Variants in SMARCD3 observed in about 807,000 individuals in gnomAD.
The protein encoded by SMARCD3 is SWI/SNF related BAF chromatin remodeling complex subunit D3.
Under a neutral mutation model 58.0 loss-of-function variants are expected in SMARCD3, and 14 were observed. The observed-to-expected ratio is 0.24, with a 90% CI of 0.16 to 0.38. The LOEUF (loss-of-function observed/expected upper bound fraction) is 0.38. Ranked by LOEUF, SMARCD3 falls within the 10% of genes least tolerant of loss-of-function variation. SMARCD3 has a pLI of 1.00. For synonymous variants in SMARCD3, 253 were observed against 253.8 expected, an observed-to-expected ratio of 1.00 and a Z score of 0.03; for missense variants, 408 against 636.9, an observed-to-expected ratio of 0.64 and a Z score of 3.87.
In SMARCD3 at chr7:151,240,141, G is replaced by A. The variant is rs768288742; in HGVS notation, c.1144C>T (p.Gln382Ter). 1 of 1,614,158 alleles carries A rather than the reference G, an allele frequency of 6.2e-7. No homozygotes were observed. ...CTGTCCAGAGCACTGATCTCCTGCT[G>A]GTTGGCCGTGGATAGGAGGAAGCTG... ...MSSFLLSTAN[Q>*]QEISALDSKI... is the part of the protein sequence containing the mutation. The change falls in exon 10 of 13, where the codon CAG (glutamine) becomes TAG (stop). Residue 382 changes from glutamine to a stop codon, truncating the protein, a stop_gained. Transcript: ENST00000262188. LOFTEE classifies it high-confidence loss of function.
At chr7:151,267,043 G>T (rs1053687679) in intron 2 of SMARCD3, among the ~76,000 whole-genome samples, 1 of 152,158 alleles carries the variant, frequency 6.6e-6, no homozygotes, top group Non-Finnish European at 1.5e-5. Context: ...ATTGGCGAAC[G>T]ATACAAACCG....
At chr7:151,249,279 C>CTG (rs1803428705), upstream of SMARCD3, 1 of 152,156 alleles carries the variant, frequency 6.6e-6, no homozygotes, top group South Asian at 2.1e-4. This position sits in a 1 kb window ranked among gnomAD's most constrained non-coding sequence, Gnocchi z 4.8. Context: ...GCGTCCACTG[C>CTG]TGTGTGTGCC....
chr7:151,271,214 C>A (rs1795165676), intron 2 of SMARCD3, among the ~76,000 whole-genome samples: 1 of 152,162 alleles, frequency 6.6e-6, no homozygotes, highest in Non-Finnish European at 1.5e-5. Context: ...CAATCCCTTT[C>A]CCAGGCGGGT....
chr7:151,277,002 G>A (rs1795367527), upstream of SMARCD3: 1 of 150,018 alleles, frequency 6.7e-6, no homozygotes, highest in Non-Finnish European at 1.5e-5. Context: ...CAGGGAAGGC[G>A]GGGGCGCCGG....
intron 1 of SMARCD3, among the ~76,000 whole-genome samples, chr7:151,247,250 G>A (rs1480169622): frequency 2.0e-5 from 3 of 152,086 alleles, no homozygotes; most frequent in African/African-American, 4.8e-5. Flanking sequence ...AACAGTCCAC[G>A]TGTACAGCCT....
chr7:151,256,379 C>A (rs2150605083), intron 2 of SMARCD3, among the ~76,000 whole-genome samples: 1 of 151,444 alleles, frequency 6.6e-6, no homozygotes, highest in Non-Finnish European at 1.5e-5. Context: ...CCATGTTGGC[C>A]AGGCTGGTCT....
chr7:151,268,765 C>A (rs1001504371), intron 2 of SMARCD3, among the ~76,000 whole-genome samples: 2 of 151,726 alleles, frequency 1.3e-5, no homozygotes, highest in African/African-American at 2.4e-5. Flanking sequence ...ACACAAAATT[C>A]TCTCTCTTTT....
rs1452737902 is a variant in SMARCD3, at chr7:151,246,189, CG to C, written c.79-519del. On this transcript the variant is annotated intron_variant, in intron 1 of 12. Transcript: ENST00000262188. The surrounding 1 kb of genome is among the most constrained non-coding windows in gnomAD (Gnocchi z 4.4). Reference sequence around the variant, plus strand: ...TGCGGCTTGGTTGAGGTCCGGTACCCGGCTCCCTGCTCCGACTTCTGCTCCT... The same window carrying C: ...TGCGGCTTGGTTGAGGTCCGGTACCCGCTCCCTGCTCCGACTTCTGCTCCT... 1 of 152,838 alleles carries C rather than the reference CG, an allele frequency of 6.5e-6. No homozygotes were observed. Among genetic ancestry groups the C allele is most frequent in the Non-Finnish European group, 1.5e-5 (1 of 68,630 alleles). The allele number at this position is 152,838 out of a possible 1,614,324, so 9.5% of individuals were successfully genotyped here. A position where few individuals can be genotyped will look rare whatever the true frequency, so the allele number is the denominator to read the frequency against.
upstream of SMARCD3, among the ~76,000 whole-genome samples, chr7:151,251,796 A>T (rs1803521292): frequency 1.3e-5 from 2 of 151,316 alleles, no homozygotes; most frequent in South Asian, 4.2e-4. Context: ...CACCAGCACC[A>T]AATGGCAAAG....
At chr7:151,253,845 T>C (rs1004095866) in intron 2 of SMARCD3, among the ~76,000 whole-genome samples, 11 of 151,884 alleles carry the variant, frequency 7.2e-5, no homozygotes, top group Admixed American at 2.0e-4. Context: ...TGGCGGGCAA[T>C]AGGGCCACGT....
intron 2 of SMARCD3, among the ~76,000 whole-genome samples, chr7:151,244,157 A>G (rs917892740): frequency 1.6e-4 from 25 of 152,118 alleles, no homozygotes; most frequent in African/African-American, 5.3e-4. Context: ...CTTCCTATCC[A>G]TGGAGCGGGA....
rs1450488994 is a variant in SMARCD3 at position 151,238,851 on chromosome 7, AAGG to A, written c.*249_*251del. On this transcript the variant is annotated 3_prime_UTR_variant, in exon 13 of 13. Transcript: ENST00000262188. The stretch of plus-strand genomic sequence containing the variant: ...TTTTTAGGTCTAGGGAAAATTGAGT[AAGG>A]AGAAGAATCCAAGGGAAGGGAATGG... 1 of 1,460,704 alleles carries A rather than the reference AAGG, an allele frequency of 6.8e-7. No individual in the cohort carries two copies. Among genetic ancestry groups the A allele is most frequent in the African/African-American group, 1.4e-5 (1 of 71,436 alleles). The allele number at this position is 1,460,704 out of a possible 1,614,324, so 90.5% of individuals were successfully genotyped here.
Position 151,239,598 on chromosome 7 carries a change from A to G in SMARCD3, c.1296+26T>C. 4 of 1,613,910 alleles carry G rather than the reference A, an allele frequency of 2.5e-6. No homozygotes were observed. The highest frequency in any genetic ancestry group is 3.4e-6 in the Non-Finnish European group (4 of 1,179,918). On this transcript the variant is annotated intron_variant, in intron 11 of 12. Transcript: ENST00000262188. This position sits in a 1 kb window ranked among gnomAD's most constrained non-coding sequence, Gnocchi z 7.0. ...TCCCGCTGTGCTTGTCTTCCACTCC[A>G]GTACTCCCTGAGTCTCCCTCTTCAC...
At position 151,239,045 on chromosome 7, in the gene SMARCD3, A is replaced by G; in HGVS notation, c.*58T>C. 6.4e-7 allele frequency: 1 copy of G among 1,565,510 alleles called. No homozygotes were observed. On this transcript the variant is annotated 3_prime_UTR_variant, in exon 13 of 13. Coordinates refer to ENST00000262188, the MANE Select transcript of SMARCD3 (RefSeq NM_001003801.2). The surrounding 1 kb of genome is among the most constrained non-coding windows in gnomAD (Gnocchi z 7.0). Reference sequence around the variant, plus strand: ...AGGAGTGATGCTGGAGCCCGGGGCAAAATGCTGGGGCCCGGGACACGGCTG... The same window carrying G: ...AGGAGTGATGCTGGAGCCCGGGGCAGAATGCTGGGGCCCGGGACACGGCTG...
At chr7:151,274,740 G>T (rs759862960) in intron 2 of SMARCD3, among the ~76,000 whole-genome samples, 5 of 152,244 alleles carry the variant, frequency 3.3e-5, no homozygotes, top group Non-Finnish European at 7.3e-5. Flanking sequence ...GAGATGGGGT[G>T]TTGTCTGGCT....
chr7:151,250,339 A>C (rs972002349), upstream of SMARCD3, among the ~76,000 whole-genome samples: 4 of 150,592 alleles, frequency 2.7e-5, no homozygotes, highest in Non-Finnish European at 5.9e-5. Context: ...CCCCCCACAC[A>C]CCCCCACACA....
rs1803122243 is a variant in SMARCD3, at chr7:151,243,766, C to T, written c.291-65G>A. The T allele has an allele frequency of 1.7e-6, 2 of 1,148,044 alleles. No individual in the cohort carries two copies. The highest frequency in any genetic ancestry group is 2.4e-5 in the South Asian group (2 of 81,800). 71.1% of individuals were successfully genotyped at this position (1,148,044 alleles called of 1,614,324 possible). A position where few individuals can be genotyped will look rare whatever the true frequency, so the allele number is the denominator to read the frequency against. On this transcript the variant is annotated intron_variant, in intron 2 of 12. Coordinates refer to ENST00000262188, the MANE Select transcript of SMARCD3 (RefSeq NM_001003801.2). This position sits in a 1 kb window ranked among gnomAD's most constrained non-coding sequence, Gnocchi z 4.4. ...ACAGATCTGGGCGTAACGAGGCCACCTGCTAGATTATCCCGACATCTCCGC... is the reference window on the plus strand; with the variant it reads ...ACAGATCTGGGCGTAACGAGGCCACTTGCTAGATTATCCCGACATCTCCGC...
rs369009601 is a variant in SMARCD3 at position 151,239,178 on chromosome 7, G to A, written c.1399-22C>T. 2 of 1,613,252 alleles carry A rather than the reference G, an allele frequency of 1.2e-6. No homozygotes were observed. The highest frequency in any genetic ancestry group is 1.7e-6 in the Non-Finnish European group (2 of 1,179,254). ...GGATCTTTAGAGGAAGTGAGAACAG[G>A]AGCAGGTGTCAGTGTTCTGGTGAGT... On this transcript the variant is annotated intron_variant, in intron 12 of 12. Coordinates refer to ENST00000262188, the MANE Select transcript of SMARCD3 (RefSeq NM_001003801.2). This position sits in a 1 kb window ranked among gnomAD's most constrained non-coding sequence, Gnocchi z 7.0.
Position 151,245,472 on chromosome 7 carries a change from G to C in SMARCD3, c.278C>G (p.Ala93Gly). 1 of 1,219,586 alleles carries C rather than the reference G, an allele frequency of 8.2e-7. No homozygotes were observed. The highest frequency in any genetic ancestry group is 1.0e-6 in the Non-Finnish European group (1 of 978,334). 75.5% of individuals were successfully genotyped at this position (1,219,586 alleles called of 1,614,324 possible). A position where few individuals can be genotyped will look rare whatever the true frequency, so the allele number is the denominator to read the frequency against. The change falls in exon 2 of 13, where the codon GCG (alanine) becomes GGG (glycine). Residue 93 changes from alanine (A) to glycine (G), a missense_variant. This residue lies in a region of SMARCD3 where 128 missense variants were observed against 188.8 expected (regional missense o/e 0.68). Coordinates refer to ENST00000262188, the MANE Select transcript of SMARCD3 (RefSeq NM_001003801.2). The surrounding 1 kb of genome is among the most constrained non-coding windows in gnomAD (Gnocchi z 6.2). ...GCCTCCCACTCACCTGCGGCTCCGC[G>C]CGGGGGCGGTGGGCACCGGCTGGCC... ...SQGQPVPTAP[A>G]RSRSAKRRKM...
Sources: allele counts gnomAD v4.1 joint callset (sites outside exome capture counted in the v4.1 genomes callset), GRCh38; gene constraint gnomAD v4.1.1; regional missense constraint gnomAD v4.1.1; non-coding constraint Gnocchi (gnomAD v3.1); transcripts MANE v1.5; gene names NCBI Gene and HGNC (gene_info 2026-07-23, HGNC 2026-07-21).